AFF3: variants seen among roughly 807,000 people sequenced by gnomAD.
AFF3 encodes the protein ALF transcription elongation factor 3, also known as AF4/FMR2 family member 3.
Under a neutral mutation model 129.7 loss-of-function variants are expected in AFF3, and 32 were observed. That is an observed-to-expected ratio of 0.25 (90% CI 0.19 to 0.33). The LOEUF is 0.33. Ranked by LOEUF, AFF3 falls within the 10% of genes least tolerant of loss-of-function variation. The probability of loss-of-function intolerance (pLI) is 1.00; values close to 1 mark genes in which losing one functional copy is unlikely to be tolerated. For missense variants in AFF3, 1,373 were observed against 1,592.0 expected (o/e 0.86, Z 2.34); for synonymous variants, 644 against 635.4 (o/e 1.01, Z -0.20).
intron 16 of AFF3, among the ~76,000 whole-genome samples, chr2:99,584,836 T>C (rs1313559382): frequency 6.6e-6 from 1 of 152,226 alleles, no homozygotes; most frequent in Non-Finnish European, 1.5e-5. Context: ...ATTGCACGTG[T>C]TGGTTATCAC....
chr2:99,867,710 C>A (rs1260766950), intron 7 of AFF3, among the ~76,000 whole-genome samples: 4 of 152,206 alleles, frequency 2.6e-5, no homozygotes, highest in Non-Finnish European at 4.4e-5. Context: ...CCATATCCCC[C>A]CAATCCCCGG....
intron 8 of AFF3, among the ~76,000 whole-genome samples, chr2:99,805,160 T>C (rs1686242957): frequency 6.6e-6 from 1 of 152,182 alleles, no homozygotes; most frequent in African/African-American, 2.4e-5. Context: ...AGTACAAAAG[T>C]CATCACCCAG....
intron 2 of AFF3, 65 bp downstream of exon 2, chr2:100,129,159 T>G (rs955196357): frequency 6.6e-6 from 1 of 152,160 alleles, no homozygotes; most frequent in Non-Finnish European, 1.5e-5. Context: ...AAATCCCAAA[T>G]GACTTTTCCC....
Position 99,546,667 on chromosome 2 carries a change from C to G in AFF3, c.*4807G>C, listed in dbSNP as rs968532313. The stretch of plus-strand genomic sequence containing the variant: ...AACTTACCCTCCCACATAGGGGATG[C>G]TTCATGTCAAGCCACTGGTCTAATG... On this transcript the variant is annotated 3_prime_UTR_variant, in exon 25 of 25. Coordinates refer to ENST00000672756, the MANE Select transcript of AFF3 (RefSeq NM_001386135.1). The G allele has an allele frequency of 8.7e-6, 2 of 230,486 alleles. No homozygotes were observed. The highest frequency in any genetic ancestry group is 4.4e-5 in the African/African-American group (2 of 45,174). The allele number at this position is 230,486 out of a possible 1,614,324, so 14.3% of individuals were successfully genotyped here. A position where few individuals can be genotyped will look rare whatever the true frequency, so the allele number is the denominator to read the frequency against.
intron 11 of AFF3, among the ~76,000 whole-genome samples, chr2:99,721,819 C>T (rs1330365019): frequency 5.8e-4 from 88 of 152,154 alleles, no homozygotes; most frequent in Non-Finnish European, 1.2e-4. Flanking sequence ...ATGTTTTCAT[C>T]CAATTTGGGA....
intron 7 of AFF3, among the ~76,000 whole-genome samples, chr2:99,925,620 A>T (rs1202152732): frequency 6.6e-6 from 1 of 152,176 alleles, no homozygotes; most frequent in Non-Finnish European, 1.5e-5. Flanking sequence ...AGTATGCTGA[A>T]CTCTCAGCCT....
At chr2:99,829,698 C>T (rs995427157) in intron 8 of AFF3, among the ~76,000 whole-genome samples, 4 of 152,162 alleles carry the variant, frequency 2.6e-5, no homozygotes, top group Non-Finnish European at 5.9e-5. Flanking sequence ...TAAATTATTT[C>T]AACCATTGTG....
intron 11 of AFF3, among the ~76,000 whole-genome samples, chr2:99,703,696 CT>C (rs1677092329): frequency 7.6e-6 from 1 of 130,842 alleles, no homozygotes; most frequent in Non-Finnish European, 1.7e-5. Flanking sequence ...CATTTTTCTT[CT>C]TTTTTCTTTT....
At chr2:99,906,019 A>G (rs1694691408) in intron 7 of AFF3, among the ~76,000 whole-genome samples, 1 of 152,170 alleles carries the variant, frequency 6.6e-6, no homozygotes, top group African/African-American at 2.4e-5. Flanking sequence ...CTGGAAACAT[A>G]AAAGAAACTT....
rs768430537 is a variant in AFF3, at chr2:99,936,912, C to T, written c.873+69720G>A. Among the ~76,000 whole-genome samples, 154 of 152,292 alleles carry T rather than the reference C, an allele frequency of 1.0e-3. 2 individuals are homozygous for T. The highest frequency in any genetic ancestry group is 8.4e-4 in the Non-Finnish European group (57 of 68,020). On this transcript the variant is annotated intron_variant, in intron 7 of 24. Transcript: ENST00000672756. ...TCAACTCAGGACACCTCAGTAAGCA[C>T]AGCTCTCAGCCTCTCAGGTCTAATC...
At chr2:99,943,227 C>G (rs948029567) in intron 7 of AFF3, among the ~76,000 whole-genome samples, 2 of 152,214 alleles carry the variant, frequency 1.3e-5, no homozygotes, top group Non-Finnish European at 2.9e-5. Flanking sequence ...GCAGGATAAA[C>G]TGATGCAACC....
At chr2:99,730,216 C>T (rs544683568) in intron 10 of AFF3, among the ~76,000 whole-genome samples, 85 of 152,070 alleles carry the variant, frequency 5.6e-4, no homozygotes, top group African/African-American at 1.9e-3. Context: ...GCCAGTGAGA[C>T]GAAATATACA....
chr2:99,863,063 T>G (rs949038420), intron 7 of AFF3, among the ~76,000 whole-genome samples: 1 of 152,268 alleles, frequency 6.6e-6, no homozygotes, highest in South Asian at 2.1e-4. Context: ...AATTAAAAAC[T>G]AATTCATCCT....
intron 12 of AFF3, among the ~76,000 whole-genome samples, chr2:99,665,124 G>A (rs1446607682): frequency 1.3e-5 from 2 of 152,232 alleles, no homozygotes; most frequent in Non-Finnish European, 2.9e-5. Flanking sequence ...AAGATGAGAC[G>A]TGGACAAAGC....
At chr2:99,978,358 A>G (rs1679080533) in intron 7 of AFF3, among the ~76,000 whole-genome samples, 1 of 114,066 alleles carries the variant, frequency 8.8e-6, no homozygotes, top group Non-Finnish European at 2.0e-5. Context: ...AATTACTTAG[A>G]AAAGGTTTAT....
chr2:100,075,719 G>C (rs144394889), intron 4 of AFF3, among the ~76,000 whole-genome samples: 1 of 152,106 alleles, frequency 6.6e-6, no homozygotes, highest in Non-Finnish European at 1.5e-5. Context: ...TTTCTGATAG[G>C]TTCTGGCCAA....
At chr2:99,739,052 T>C (rs1680499345) in intron 10 of AFF3, among the ~76,000 whole-genome samples, 1 of 151,588 alleles carries the variant, frequency 6.6e-6, no homozygotes, top group Non-Finnish European at 1.5e-5. Context: ...TACTTTTTGT[T>C]TTTGGGGGTT....
intron 2 of AFF3, among the ~76,000 whole-genome samples, chr2:100,120,000 G>A (rs1208857751): frequency 1.3e-5 from 2 of 152,148 alleles, no homozygotes; most frequent in African/African-American, 2.4e-5. Flanking sequence ...AAGCAAACAG[G>A]TTAGCAACAT....
At chr2:99,981,308 G>A (rs538904021) in intron 7 of AFF3, among the ~76,000 whole-genome samples, 4 of 152,234 alleles carry the variant, frequency 2.6e-5, no homozygotes, top group Non-Finnish European at 4.4e-5. Flanking sequence ...ATGAGCCACC[G>A]TGCCCGGCCC....
Sources: gnomAD v4.1 joint callset for allele counts (sites outside exome capture counted in the v4.1 genomes callset) on GRCh38, gnomAD v4.1.1 for gene constraint, MANE v1.5 for transcripts, NCBI Gene and HGNC (gene_info 2026-07-23, HGNC 2026-07-21) for gene names.